VAV3: variants seen among roughly 807,000 people sequenced by gnomAD.
The protein encoded by VAV3 is guanine nucleotide exchange factor VAV3.
Under a neutral mutation model 131.2 loss-of-function variants are expected in VAV3, and 94 were observed. The observed-to-expected ratio is 0.72, with a 90% CI of 0.61 to 0.85. The LOEUF (loss-of-function observed/expected upper bound fraction) is 0.85. Ranked by LOEUF, VAV3 falls within the 40% of genes least tolerant of loss-of-function variation. The pLI, the probability that VAV3 is intolerant of heterozygous loss-of-function variation, is 0.00. For missense variants in VAV3, 939 were observed against 1,002.7 expected, an observed-to-expected ratio of 0.94 and a Z score of 0.86; for synonymous variants, 349 against 342.0, an observed-to-expected ratio of 1.02 and a Z score of -0.22.
chr1:107,622,243 TTTC>T (rs750149432), intron 20 of VAV3, among the ~76,000 whole-genome samples: 13 of 152,182 alleles, frequency 8.5e-5, no homozygotes, highest in Non-Finnish European at 1.6e-4. Flanking sequence ...ATTCTTCATT[TTTC>T]TTCAATAAGA....
intron 2 of VAV3, among the ~76,000 whole-genome samples, chr1:107,845,622 A>T (rs1344777913): frequency 6.6e-6 from 1 of 152,178 alleles, no homozygotes; most frequent in African/African-American, 2.4e-5. Context: ...GATAAAGCTG[A>T]AAAACACAGC....
chr1:107,621,946 A>G (rs1359612671), intron 20 of VAV3, among the ~76,000 whole-genome samples: 2 of 152,208 alleles, frequency 1.3e-5, no homozygotes, highest in Non-Finnish European at 2.9e-5. Flanking sequence ...TTATGAAAAT[A>G]CATTCTTTGG....
At chr1:107,640,877 A>G (rs957699913) in intron 20 of VAV3, among the ~76,000 whole-genome samples, 1 of 152,208 alleles carries the variant, frequency 6.6e-6, no homozygotes, top group South Asian at 2.1e-4. Context: ...GACTGAGCAT[A>G]TTTATATACT....
chr1:107,869,389 T>C (rs972302820), intron 2 of VAV3, among the ~76,000 whole-genome samples: 1 of 152,178 alleles, frequency 6.6e-6, no homozygotes, highest in Non-Finnish European at 1.5e-5. Context: ...GACACCTATG[T>C]TTACCAATGA....
rs777112323 is a variant in VAV3, at chr1:107,849,460, C to CA, written c.321+25440dup. ...GCCATCTGATCTTTGACAAACCTAA[C>CA]AAAAAAAAACAATGGGGAAAGGATT... On this transcript the variant is annotated intron_variant, in intron 2 of 26. Coordinates refer to ENST00000370056, the MANE Select transcript of VAV3 (RefSeq NM_006113.5). Among the ~76,000 whole-genome samples the CA allele has an allele frequency of 1.5e-4, 23 of 150,026 alleles. No homozygotes were observed. The East Asian group carries it at 2.0e-3, about 13-fold the overall frequency.
At chr1:107,603,911 G>A (rs1344428552) in intron 22 of VAV3, among the ~76,000 whole-genome samples, 1 of 151,812 alleles carries the variant, frequency 6.6e-6, no homozygotes, top group Non-Finnish European at 1.5e-5. Flanking sequence ...TTCAAGGGAG[G>A]CCTGTGCCTC....
intron 12 of VAV3, among the ~76,000 whole-genome samples, chr1:107,752,022 T>A (rs1663759220): frequency 6.6e-6 from 1 of 152,250 alleles, no homozygotes; most frequent in Admixed American, 6.5e-5. Flanking sequence ...CAAGGGATTC[T>A]GAATAGTCAA....
At chr1:107,675,273 A>G (rs1461862891) in intron 19 of VAV3, among the ~76,000 whole-genome samples, 2 of 152,204 alleles carry the variant, frequency 1.3e-5, no homozygotes, top group Non-Finnish European at 2.9e-5. Context: ...TCTTCAGAGC[A>G]CTTAGTATGT....
At chr1:107,894,313 T>C (rs563150953) in intron 1 of VAV3, among the ~76,000 whole-genome samples, 1 of 152,324 alleles carries the variant, frequency 6.6e-6, no homozygotes, top group African/African-American at 2.4e-5. Context: ...CAATTTTCAC[T>C]ACTCAAAGAA....
intron 15 of VAV3, among the ~76,000 whole-genome samples, chr1:107,747,222 C>T (rs1160942268): frequency 6.6e-6 from 1 of 152,126 alleles, no homozygotes; most frequent in Non-Finnish European, 1.5e-5. Flanking sequence ...TGTTTTATGG[C>T]AACTGAACAA....
intron 2 of VAV3, among the ~76,000 whole-genome samples, chr1:107,829,899 A>G (rs1454700378): frequency 6.6e-6 from 1 of 152,162 alleles, no homozygotes; most frequent in Non-Finnish European, 1.5e-5. Context: ...TTTTCCCACA[A>G]GCAACCGAGA....
intron 20 of VAV3, among the ~76,000 whole-genome samples, chr1:107,627,996 C>G (rs1261451675): frequency 6.7e-6 from 1 of 149,380 alleles, no homozygotes; most frequent in Non-Finnish European, 1.5e-5. Context: ...TCTAACCAGG[C>G]AGGAAGAAGG....
At chr1:107,865,531 T>C (rs1202236241) in intron 2 of VAV3, among the ~76,000 whole-genome samples, 1 of 152,156 alleles carries the variant, frequency 6.6e-6, no homozygotes, top group African/African-American at 2.4e-5. Context: ...TGATGATTTA[T>C]AATTTGGAAG....
intron 13 of VAV3, among the ~76,000 whole-genome samples, chr1:107,750,648 A>G (rs554480578): frequency 2.4e-4 from 36 of 152,340 alleles, no homozygotes; most frequent in Non-Finnish European, 4.4e-4. Context: ...TGATGATTAC[A>G]TATATACATA....
At chr1:107,732,518 G>A (rs1441114652) in intron 15 of VAV3, among the ~76,000 whole-genome samples, 1 of 152,160 alleles carries the variant, frequency 6.6e-6, no homozygotes, top group Non-Finnish European at 1.5e-5. Context: ...TTAATACTAC[G>A]CTTTTCCAAC....
Position 107,704,994 on chromosome 1 carries a change from C to T in VAV3, c.1570G>A (p.Val524Ile), listed in dbSNP as rs767980901. Reference protein sequence around the residue: ...HDFKMHTFTRVTSCKVCQMLL... With the variant: ...HDFKMHTFTRITSCKVCQMLL... ...ATCTGGCAGACTTTGCAGGATGTGACTCGAGTGAAGGTATGCATCTTGAAG... is the reference window on the plus strand; with the variant it reads ...ATCTGGCAGACTTTGCAGGATGTGATTCGAGTGAAGGTATGCATCTTGAAG... Residue 524 changes from valine to isoleucine, a missense_variant, in exon 16 of 27, where the codon GTC (valine) becomes ATC (isoleucine). Val to Ile is a conservative substitution (Grantham distance 29). Transcript: ENST00000370056. The T allele has an allele frequency of 1.2e-6, 2 of 1,613,776 alleles. No homozygotes were observed. The highest frequency in any genetic ancestry group is 2.2e-5 in the East Asian group (1 of 44,878).
intron 1 of VAV3, among the ~76,000 whole-genome samples, chr1:107,902,458 G>A (rs1451127841): frequency 2.0e-5 from 3 of 152,014 alleles, no homozygotes; most frequent in Non-Finnish European, 2.9e-5. Flanking sequence ...GAAGAATAAC[G>A]CATCTATTTT....
At chr1:107,641,262 T>C (rs574635032) in intron 20 of VAV3, among the ~76,000 whole-genome samples, 18 of 152,292 alleles carry the variant, frequency 1.2e-4, no homozygotes, top group African/African-American at 4.1e-4. Context: ...AAAATAGATG[T>C]AAGCAAATAA....
chr1:107,922,590 G>A (rs1051918380), intron 1 of VAV3, among the ~76,000 whole-genome samples: 2 of 152,108 alleles, frequency 1.3e-5, no homozygotes, highest in Non-Finnish European at 2.9e-5. Flanking sequence ...ACATTAAGAG[G>A]AAACATTTTA....
Sources: allele counts gnomAD v4.1 joint callset (sites outside exome capture counted in the v4.1 genomes callset), GRCh38; gene constraint gnomAD v4.1.1; transcripts MANE v1.5; gene names NCBI Gene and HGNC (gene_info 2026-07-23, HGNC 2026-07-21).